ZNF267: variants seen among roughly 807,000 people sequenced by gnomAD.
ZNF267 encodes zinc finger (C2H2).
A neutral mutation model predicts 71.6 loss-of-function variants in ZNF267; 61 were observed. The ratio of observed to expected loss-of-function variants is 0.85; its 90% CI spans 0.69 to 1.05. The LOEUF (loss-of-function observed/expected upper bound fraction) is 1.05, where lower values mean the gene tolerates loss of function less well. Ranked by LOEUF, ZNF267 falls within the 50% of genes least tolerant of loss-of-function variation. ZNF267 has a pLI of 0.00. For synonymous variants in ZNF267, 288 were observed against 293.2 expected (o/e 0.98, Z 0.18); for missense variants, 852 against 870.0 (o/e 0.98, Z 0.26).
At chr16:31,912,183 T>A (rs1303712515) in intron 3 of ZNF267, 1 of 151,782 alleles carries the variant, frequency 6.6e-6, no homozygotes, top group Non-Finnish European at 1.5e-5. Context: ...TTAACATTCT[T>A]TTCTTACAGA....
rs2084169214 is a variant in ZNF267 at position 31,915,571 on chromosome 16, G to T, written c.1322G>T (p.Cys441Phe). 7.4e-6 allele frequency: 12 copies of T among 1,613,320 alleles called. No homozygotes were observed. Among genetic ancestry groups the T allele is most frequent in the Non-Finnish European group, 1.0e-5 (12 of 1,179,880 alleles). The change falls in exon 4 of 4, where the codon TGT becomes TTT. Residue 441 changes from cysteine (C) to phenylalanine (F), a missense_variant. By Grantham distance (205) the Cys-to-Phe change is radical (BLOSUM62 -2). Transcript: ENST00000300870. ...TGEKPYKCKE[C>F]GKAFNRSSCL... ...GAGAAACCTTATAAATGTAAAGAAT[G>T]TGGAAAAGCTTTTAACCGTAGTTCA... is the stretch of plus-strand genomic sequence containing the variant.
At position 31,915,054 on chromosome 16, in the gene ZNF267, T is replaced by G; in HGVS notation, c.805T>G (p.Cys269Gly). Reference protein sequence around the residue: ...GQEKQEQSYKCNKCVEVCTQS... With the variant: ...GQEKQEQSYKGNKCVEVCTQS... ...AGAGAAACAAGAACAGTCTTACAAA[T>G]GTAATAAATGTGTAGAAGTTTGTAC... The change falls in exon 4 of 4, where the codon TGT becomes GGT. Residue 269 changes from cysteine to glycine, a missense_variant. Cys to Gly is a radical substitution (Grantham distance 159). Transcript: ENST00000300870. 6.2e-7 allele frequency: 1 copy of G among 1,612,960 alleles called. No homozygotes were observed. The highest frequency in any genetic ancestry group is 8.5e-7 in the Non-Finnish European group (1 of 1,179,672).
In ZNF267 at chr16:31,885,156, A is replaced by G. The variant is rs1266313634; in HGVS notation, c.131-5A>G. 1 of 1,589,304 alleles carries G rather than the reference A, an allele frequency of 6.3e-7. No individual in the cohort carries two copies. ...AGAGTCATGTGAATTTTTCCAATAA[A>G]ACAGGTCTTGTTGTCTCTAAGCCGG... is the stretch of plus-strand genomic sequence containing the variant. On this transcript the variant is annotated splice_polypyrimidine_tract_variant and splice_region_variant and intron_variant, in intron 2 of 3. Transcript: ENST00000300870.
At chr16:31,874,979 AT>A (rs1413528383) in intron 1 of ZNF267, among the ~76,000 whole-genome samples, 2 of 152,132 alleles carry the variant, frequency 1.3e-5, no homozygotes, top group Non-Finnish European at 1.5e-5. Flanking sequence ...TTTTTTAAAG[AT>A]TTGTGTTTTT....
At chr16:31,894,618 C>T (rs998154832) in intron 3 of ZNF267, 11 of 485,514 alleles carry the variant, frequency 2.3e-5, no homozygotes, top group Admixed American at 1.2e-4. Context: ...TCAGTGCTTT[C>T]AGCACTTCAG....
chr16:31,915,831 C>T lies in ZNF267; in HGVS notation c.1582C>T (p.Pro528Ser), dbSNP rs533144236. Reference protein sequence around the residue: ...NLYKCKVCAKPFTCFSNLIVH... With the variant: ...NLYKCKVCAKSFTCFSNLIVH... ...TTACAAATGCAAAGTATGTGCTAAA[C>T]CTTTTACTTGTTTCTCAAATCTTAT... The change falls in exon 4 of 4, where the codon CCT becomes TCT. Residue 528 changes from proline to serine, a missense_variant. By Grantham distance (74) the Pro-to-Ser change is moderately conservative. Coordinates refer to ENST00000300870, the MANE Select transcript of ZNF267 (RefSeq NM_003414.6). The T allele has an allele frequency of 1.6e-5, 26 of 1,612,624 alleles. No homozygotes were observed. In the South Asian group the frequency reaches 2.7e-4, roughly 17 times the overall value.
Position 31,898,752 on chromosome 16 carries a change from G to A in ZNF267, c.226+13496G>A, listed in dbSNP as rs1003419493. ...ATTTTATTGAGGTCACAAATTATAT[G>A]CTTTTTATTGTGAATCCATTAACAC... is the stretch of plus-strand genomic sequence containing the variant. On this transcript the variant is annotated intron_variant, in intron 3 of 3. Transcript: ENST00000300870. Among the ~76,000 whole-genome samples the A allele has an allele frequency of 3.9e-5, 6 of 152,126 alleles. No homozygotes were observed. The East Asian group carries it at 1.2e-3, about 29-fold the overall frequency.
chr16:31,875,342 C>T, intron 1 of ZNF267: 1 of 1,276,340 alleles, frequency 7.8e-7, no homozygotes, highest in East Asian at 5.6e-5. Context: ...GCTGGATGCC[C>T]TGGGGCTGAG....
At chr16:31,883,519 G>T (rs1252930054) in intron 1 of ZNF267, among the ~76,000 whole-genome samples, 2 of 152,166 alleles carry the variant, frequency 1.3e-5, no homozygotes, top group Non-Finnish European at 2.9e-5. Flanking sequence ...TGTTAAGGTT[G>T]TCTCTGTATA....
chr16:31,907,689 G>T (rs924609563), intron 3 of ZNF267, among the ~76,000 whole-genome samples: 4 of 151,904 alleles, frequency 2.6e-5, no homozygotes, highest in African/African-American at 9.7e-5. Flanking sequence ...ATCATTTGAG[G>T]CCAGGAGTTT....
intron 3 of ZNF267, chr16:31,894,460 T>G: frequency 2.2e-6 from 1 of 452,114 alleles, no homozygotes; most frequent in Admixed American, 2.7e-5. Flanking sequence ...TAGTGTTTTT[T>G]TTTTCTGACT....
intron 3 of ZNF267, among the ~76,000 whole-genome samples, chr16:31,888,394 CACT>C (rs2083938300): frequency 6.6e-6 from 1 of 151,968 alleles, no homozygotes; most frequent in South Asian, 2.1e-4. Flanking sequence ...CTTGATTTCT[CACT>C]ACTATGTTGA....
chr16:31,894,937 C>T (rs1460167877), intron 3 of ZNF267: 1 of 361,238 alleles, frequency 2.8e-6, no homozygotes, highest in Non-Finnish European at 5.5e-6. Context: ...TCTGGAATCT[C>T]AGTGTGTTAA....
intron 3 of ZNF267, among the ~76,000 whole-genome samples, chr16:31,908,094 C>T (rs1424933213): frequency 6.6e-6 from 1 of 152,014 alleles, no homozygotes; most frequent in Non-Finnish European, 1.5e-5. Flanking sequence ...ATGATGCATG[C>T]CTGTAGTTTT....
At chr16:31,911,866 C>T (rs765546220) in intron 3 of ZNF267, 14 of 151,492 alleles carry the variant, frequency 9.2e-5, no homozygotes, top group Non-Finnish European at 1.5e-4. Flanking sequence ...CAAATACTAT[C>T]TTATAACCTA....
chr16:31,892,790 T>C (rs1472668989), intron 3 of ZNF267, among the ~76,000 whole-genome samples: 3 of 152,248 alleles, frequency 2.0e-5, no homozygotes, highest in Admixed American at 2.0e-4. Context: ...AGAGGTGGGC[T>C]CTTACAGCCT....
At chr16:31,906,545 G>C (rs1472897646) in intron 3 of ZNF267, among the ~76,000 whole-genome samples, 1 of 152,196 alleles carries the variant, frequency 6.6e-6, no homozygotes, top group African/African-American at 2.4e-5. Context: ...CCAGCAATCA[G>C]TGAGACTCCG....
chr16:31,884,749 G>C, intron 2 of ZNF267, 125 bp downstream of exon 2: 1 of 1,017,536 alleles, frequency 9.8e-7, no homozygotes. Context: ...AAAAAAATAG[G>C]GGTTTTGTTG....
At chr16:31,894,503 G>A in intron 3 of ZNF267, 1 of 492,806 alleles carries the variant, frequency 2.0e-6, no homozygotes, top group Non-Finnish European at 4.0e-6. Context: ...AGCTCTTTGT[G>A]TGTGACACCT....
Sources: allele counts gnomAD v4.1 joint callset (sites outside exome capture counted in the v4.1 genomes callset), GRCh38; gene constraint gnomAD v4.1.1; transcripts MANE v1.5; gene names NCBI Gene and HGNC (gene_info 2026-07-23, HGNC 2026-07-21).